Variants in FCHSD2 observed in about 807,000 individuals in gnomAD.
FCHSD2 encodes FCH and double SH3 domains 2.
In FCHSD2, 38 loss-of-function variants were observed where a neutral mutation model predicts 108.1. The ratio of observed to expected loss-of-function variants is 0.35; its 90% CI spans 0.27 to 0.46. FCHSD2 has a LOEUF of 0.46. FCHSD2 is among the 20% of genes least tolerant of loss of function. The probability of loss-of-function intolerance (pLI) is 1.00; values close to 1 mark genes in which losing one functional copy is unlikely to be tolerated. For missense variants in FCHSD2, 751 were observed against 897.8 expected, an observed-to-expected ratio of 0.84 and a Z score of 2.09; for synonymous variants, 279 against 314.7, an observed-to-expected ratio of 0.89 and a Z score of 1.20.
rs1861003182 is a variant in FCHSD2, at chr11:72,842,834, A to G, written c.1713T>C (p.Phe571=). The part of the protein sequence containing the change: ...GSLNGDASVC[F]VKALYDYEGQ... ...CCTCATAATCATAAAGTGCTTTCAC[A>G]AAACATACTAGGGAGCAAGAGAAAA... The change falls in exon 17 of 20, where the codon TTT becomes TTC. Residue 571 remains phenylalanine, a synonymous_variant. Coordinates refer to ENST00000409418, the MANE Select transcript of FCHSD2 (RefSeq NM_014824.3). 2.5e-6 allele frequency: 4 copies of G among 1,613,444 alleles called. No homozygotes were observed. Among genetic ancestry groups the G allele is most frequent in the Non-Finnish European group, 2.5e-6 (3 of 1,179,468 alleles).
At chr11:73,003,106 T>C (rs1041870674) in intron 4 of FCHSD2, among the ~76,000 whole-genome samples, 7 of 152,204 alleles carry the variant, frequency 4.6e-5, no homozygotes, top group African/African-American at 1.4e-4. Flanking sequence ...GTTTAGCAGA[T>C]TTATAGCAGG....
At chr11:73,129,349 A>C (rs1365556067) in intron 2 of FCHSD2, among the ~76,000 whole-genome samples, 3 of 152,154 alleles carry the variant, frequency 2.0e-5, no homozygotes, top group Non-Finnish European at 4.4e-5. Context: ...ACACAACAGG[A>C]GGTGAGTGGC....
intron 3 of FCHSD2, among the ~76,000 whole-genome samples, chr11:73,033,242 C>T (rs1341663130): frequency 6.6e-6 from 1 of 150,442 alleles, no homozygotes; most frequent in Admixed American, 6.7e-5. Context: ...GAGCTGAGAT[C>T]GCGCCACTGC....
At chr11:73,130,064 C>T (rs148930931) in intron 2 of FCHSD2, among the ~76,000 whole-genome samples, 279 of 151,480 alleles carry the variant, frequency 1.8e-3, no homozygotes, top group African/African-American at 6.5e-3. Context: ...TTAGTAGAGA[C>T]GGGGTTTCAC....
intron 5 of FCHSD2, 106 bp from the exon 6 acceptor site, chr11:72,989,203 G>A: frequency 3.8e-6 from 3 of 790,970 alleles, no homozygotes; most frequent in East Asian, 2.7e-5. Context: ...GAAATCCAGG[G>A]GAAAAGTCAG....
At chr11:73,115,985 G>A (rs1860592429) in intron 2 of FCHSD2, among the ~76,000 whole-genome samples, 1 of 152,140 alleles carries the variant, frequency 6.6e-6, no homozygotes, top group Admixed American at 6.5e-5. Flanking sequence ...CCATCACAGG[G>A]GCACAACTGT....
At chr11:73,093,747 A>G (rs1427476627) in intron 2 of FCHSD2, among the ~76,000 whole-genome samples, 1 of 151,970 alleles carries the variant, frequency 6.6e-6, no homozygotes, top group Admixed American at 6.6e-5. Flanking sequence ...GATTACAGGC[A>G]TGCACCACCA....
chr11:72,932,903 C>T (rs1856223449), intron 8 of FCHSD2, among the ~76,000 whole-genome samples: 1 of 152,066 alleles, frequency 6.6e-6, no homozygotes, highest in Admixed American at 6.5e-5. Flanking sequence ...AATGAATAAA[C>T]CTATACTTGA....
intron 5 of FCHSD2, among the ~76,000 whole-genome samples, chr11:72,989,848 C>A (rs1195859853): frequency 1.3e-5 from 2 of 152,164 alleles, no homozygotes; most frequent in Non-Finnish European, 2.9e-5. Context: ...AGAGCAGTTA[C>A]ATCTAAAAAC....
rs553636129 is a variant in FCHSD2, at chr11:72,948,697, G to A, written c.706-26747C>T. ...TTTTTTTTTTTTGAGAGGCAGTCTC[G>A]CTCTGTCGCCCAGGCTGGAGTGCAG... On this transcript the variant is annotated intron_variant, in intron 8 of 19. Coordinates refer to ENST00000409418, the MANE Select transcript of FCHSD2 (RefSeq NM_014824.3). Among the ~76,000 whole-genome samples the A allele has an allele frequency of 5.5e-4, 81 of 146,436 alleles. 2 individuals carry two copies. Among genetic ancestry groups the A allele is most frequent in the African/African-American group, 1.9e-3 (75 of 39,432 alleles).
intron 2 of FCHSD2, among the ~76,000 whole-genome samples, chr11:73,128,207 T>C (rs1449358296): frequency 6.6e-6 from 1 of 152,152 alleles, no homozygotes; most frequent in Non-Finnish European, 1.5e-5. Context: ...AAATAATTTC[T>C]ATGGAGTCTC....
At chr11:73,015,659 T>G (rs984533295) in intron 4 of FCHSD2, 150 bp downstream of exon 4, 11 of 506,704 alleles carry the variant, frequency 2.2e-5, no homozygotes, top group Non-Finnish European at 3.5e-5. Flanking sequence ...TATAAAACAT[T>G]AAAATTTTGA....
chr11:73,118,267 C>T (rs941518522), intron 2 of FCHSD2, among the ~76,000 whole-genome samples: 3 of 152,026 alleles, frequency 2.0e-5, no homozygotes, highest in South Asian at 2.1e-4. Flanking sequence ...TGCGGTGAGC[C>T]GAGACTGTGC....
chr11:72,989,027 T>C lies in FCHSD2; in HGVS notation c.458A>G (p.Lys153Arg). ...CATCTGTTCAGTCTCAAAGTATTTC[T>C]TTTTGCCTTTAGCTAAATCTTTCAC... The part of the protein sequence containing the change: ...ETVKDLAKGK[K>R]KYFETEQMAH... Residue 153 changes from lysine (K) to arginine (R), a missense_variant, in exon 6 of 20, where the codon AAG becomes AGG. Lys to Arg is a conservative substitution (Grantham distance 26, BLOSUM62 2). Coordinates refer to ENST00000409418, the MANE Select transcript of FCHSD2 (RefSeq NM_014824.3). The C allele has an allele frequency of 6.2e-7, 1 of 1,611,504 alleles. No homozygotes were observed. Among genetic ancestry groups the C allele is most frequent in the Non-Finnish European group, 8.5e-7 (1 of 1,178,500 alleles).
intron 10 of FCHSD2, 53 bp from the exon 11 acceptor site, chr11:72,889,998 A>G: frequency 8.9e-7 from 1 of 1,120,902 alleles, no homozygotes; most frequent in South Asian, 1.3e-5. Context: ...TATTGTAACC[A>G]CTACTGCTTT....
chr11:72,994,761 A>G (rs1043979367), intron 5 of FCHSD2, among the ~76,000 whole-genome samples: 1 of 152,068 alleles, frequency 6.6e-6, no homozygotes, highest in African/African-American at 2.4e-5. Context: ...GCGAGACTCC[A>G]TCTCAAAAAA....
intron 2 of FCHSD2, among the ~76,000 whole-genome samples, chr11:73,112,078 C>T (rs905830165): frequency 9.9e-5 from 15 of 152,060 alleles, no homozygotes; most frequent in African/African-American, 3.4e-4. Context: ...TTACTATTAC[C>T]AGTGAGTTTT....
rs1861259827 is a variant in FCHSD2, at chr11:73,141,965, G to A, written c.-88C>T. 2.3e-6 allele frequency: 3 copies of A among 1,317,382 alleles called. No homozygotes were observed. In the South Asian group the frequency reaches 3.9e-5, roughly 17 times the overall value. 81.6% of individuals were successfully genotyped at this position (1,317,382 alleles called of 1,614,324 possible). ...GGGCCGGAGAGGAGGGGACGGCCCA[G>A]CGAGCGCGCGCGTGTGTGAAAGGAG... is the stretch of plus-strand genomic sequence containing the variant. On this transcript the variant is annotated 5_prime_UTR_variant, in exon 1 of 20. Transcript: ENST00000409418.
intron 8 of FCHSD2, among the ~76,000 whole-genome samples, chr11:72,950,535 T>C (rs1278580389): frequency 6.6e-6 from 1 of 152,192 alleles, no homozygotes; most frequent in Non-Finnish European, 1.5e-5. Flanking sequence ...AACTTCATTC[T>C]TCTTGCATGT....
Sources: gnomAD v4.1 joint callset for allele counts (sites outside exome capture counted in the v4.1 genomes callset) on GRCh38, gnomAD v4.1.1 for gene constraint, MANE v1.5 for transcripts, NCBI Gene and HGNC (gene_info 2026-07-23, HGNC 2026-07-21) for gene names.